Variants in MISFA observed in about 807,000 individuals in gnomAD.
MISFA encodes the protein mitochondrial sheath formation-associated protein.
the MISFA span, among the ~76,000 whole-genome samples, chr11:18,603,480 G>C: frequency 6.6e-6 from 1 of 152,128 alleles, no homozygotes; most frequent in Non-Finnish European, 1.5e-5. Flanking sequence ...GTCCACTTCA[G>C]AAATCCAAAC....
At chr11:18,605,497 G>A in the MISFA span, among the ~76,000 whole-genome samples, 671 of 152,194 alleles carry the variant, frequency 4.4e-3, 3 homozygotes, top group Non-Finnish European at 7.9e-3. Flanking sequence ...TTAACTATTT[G>A]TAAGTGGCTC....
the MISFA span, chr11:18,606,597 A>C: frequency 6.2e-6 from 2 of 321,354 alleles, no homozygotes; most frequent in African/African-American, 2.3e-5. Flanking sequence ...AGAAATCTCT[A>C]TCTCACTCTT....
the MISFA span, among the ~76,000 whole-genome samples, chr11:18,606,248 G>A: frequency 6.6e-6 from 1 of 152,216 alleles, no homozygotes; most frequent in African/African-American, 2.4e-5. Context: ...ACATGAATGT[G>A]TAAGGGAGAA....
the MISFA span, chr11:18,609,708 T>C: frequency 1.9e-5 from 12 of 645,968 alleles, no homozygotes; most frequent in South Asian, 2.1e-4. Flanking sequence ...AAATATTTTA[T>C]GCTCAAATGA....
At chr11:18,605,377 C>T in the MISFA span, among the ~76,000 whole-genome samples, 2 of 152,044 alleles carry the variant, frequency 1.3e-5, no homozygotes, top group African/African-American at 4.8e-5. Context: ...GGAACTGTAC[C>T]CATTCTGAGG....
chr11:18,607,736 AG>A, the MISFA span: 1 of 152,222 alleles, frequency 6.6e-6, no homozygotes, highest in Non-Finnish European at 1.5e-5. Flanking sequence ...GAGCCACAGA[AG>A]TGCTCTTTTA....
At chr11:18,601,365 A>C in the MISFA span, 2 of 397,922 alleles carry the variant, frequency 5.0e-6, no homozygotes, top group African/African-American at 2.1e-5. Flanking sequence ...ACCATGTCTC[A>C]TAGGTGTTGT....
chr11:18,603,542 T>A, the MISFA span, among the ~76,000 whole-genome samples: 3 of 152,248 alleles, frequency 2.0e-5, no homozygotes, highest in Non-Finnish European at 4.4e-5. Context: ...TGGTGGCAGA[T>A]GTCTCTTTTC....
chr11:18,601,973 A>C, the MISFA span: 3 of 153,310 alleles, frequency 2.0e-5, no homozygotes, highest in South Asian at 6.2e-4. Flanking sequence ...CTTAACAACA[A>C]GCAAATAATG....
the MISFA span, among the ~76,000 whole-genome samples, chr11:18,604,882 A>G: frequency 6.6e-6 from 1 of 152,124 alleles, no homozygotes; most frequent in East Asian, 1.9e-4. Context: ...TGCCAAGGAA[A>G]AGAGCCAAAC....
the MISFA span, chr11:18,601,570 G>T: frequency 1.5e-5 from 6 of 398,050 alleles, no homozygotes; most frequent in East Asian, 2.1e-4. Flanking sequence ...ACCATGCCTG[G>T]CTAATTTTTT....
the MISFA span, chr11:18,602,953 C>T: frequency 2.5e-6 from 1 of 393,132 alleles, no homozygotes; most frequent in African/African-American, 2.1e-5. Context: ...CCCTAAATGG[C>T]CATGAGGAGC....
chr11:18,607,810 G>A, the MISFA span: 1 of 151,978 alleles, frequency 6.6e-6, no homozygotes, highest in African/African-American at 2.4e-5. Flanking sequence ...AGACACACAA[G>A]GTTAAAACCT....
chr11:18,606,690 TAAAAC>T, the MISFA span: 1 of 410,470 alleles, frequency 2.4e-6, no homozygotes, highest in South Asian at 1.8e-5. Flanking sequence ...ACATTGAAAA[TAAAAC>T]AACCAGTCTC....
At chr11:18,607,808 A>G in the MISFA span, 2 of 152,168 alleles carry the variant, frequency 1.3e-5, no homozygotes, top group African/African-American at 4.8e-5. Context: ...ACAGACACAC[A>G]AGGTTAAAAC....
chr11:18,606,296 C>G, the MISFA span: 1 of 165,248 alleles, frequency 6.1e-6, no homozygotes, highest in Non-Finnish European at 1.3e-5. Context: ...AACCATATCT[C>G]TGAAGTGTGA....
chr11:18,603,900 G>GTTAAGAAGT, the MISFA span: 1 of 180,252 alleles, frequency 5.5e-6, no homozygotes, highest in Non-Finnish European at 1.0e-5. Context: ...CATATTTTAT[G>GTTAAGAAGT]TTAAGAAGTT....
At chr11:18,603,913 C>T in the MISFA span, 17 of 322,064 alleles carry the variant, frequency 5.3e-5, no homozygotes, top group Middle Eastern at 8.1e-4. Context: ...AAGAAGTTAC[C>T]GCACTTTTTT....
At chr11:18,608,703 T>G in the MISFA span, 1 of 152,506 alleles carries the variant, frequency 6.6e-6, no homozygotes, top group Non-Finnish European at 1.5e-5. Flanking sequence ...AGTCCATATT[T>G]ATGACTTTAA....
Sources: gnomAD v4.1 joint callset for allele counts (sites outside exome capture counted in the v4.1 genomes callset) on GRCh38, gnomAD v4.1.1 for gene constraint, MANE v1.5 for transcripts, NCBI Gene and HGNC (gene_info 2026-07-23, HGNC 2026-07-21) for gene names.